COXFA4: variants seen among roughly 807,000 people sequenced by gnomAD.
The protein encoded by COXFA4 is cytochrome c oxidase subunit FA4.
At chr7:10,934,330 A>G in the COXFA4 span, among the ~76,000 whole-genome samples, 1 of 151,522 alleles carries the variant, frequency 6.6e-6, no homozygotes, top group Non-Finnish European at 1.5e-5. Context: ...TTTCTTTATA[A>G]TCAATTAATA....
the COXFA4 span, among the ~76,000 whole-genome samples, chr7:10,936,350 T>G: frequency 6.6e-6 from 1 of 152,242 alleles, no homozygotes; most frequent in Admixed American, 6.5e-5. Flanking sequence ...TTCAGAACAT[T>G]AGTAGACTGG....
At chr7:10,936,652 T>G in the COXFA4 span, among the ~76,000 whole-genome samples, 1 of 152,214 alleles carries the variant, frequency 6.6e-6, no homozygotes, top group Non-Finnish European at 1.5e-5. Flanking sequence ...TTTTATTTTC[T>G]TCTTGTAAGG....
the COXFA4 span, among the ~76,000 whole-genome samples, chr7:10,936,807 G>C: frequency 6.6e-6 from 1 of 152,160 alleles, no homozygotes; most frequent in Non-Finnish European, 1.5e-5. Context: ...GGTTGAGACA[G>C]ACGGATCAAC....
the COXFA4 span, among the ~76,000 whole-genome samples, chr7:10,935,777 C>T: frequency 1.3e-5 from 2 of 152,328 alleles, no homozygotes; most frequent in Non-Finnish European, 2.9e-5. Flanking sequence ...ACCTGGTCTA[C>T]AGTATCTTGT....
chr7:10,939,861 T>C, the COXFA4 span: 2 of 866,514 alleles, frequency 2.3e-6, no homozygotes, highest in Non-Finnish European at 3.9e-6. Flanking sequence ...CACAGAGGCC[T>C]GGGACAACTA....
the COXFA4 span, chr7:10,939,035 T>C: frequency 5.0e-5 from 33 of 656,722 alleles, 1 homozygote; most frequent in South Asian, 5.1e-4. Flanking sequence ...TTAAATAAAG[T>C]AGATCTTACA....
chr7:10,938,752 G>A, the COXFA4 span: 1 of 1,243,670 alleles, frequency 8.0e-7, no homozygotes, highest in East Asian at 2.3e-5. Flanking sequence ...CAGAGACTGT[G>A]GCTCCTAAAC....
At chr7:10,935,379 T>G in the COXFA4 span, among the ~76,000 whole-genome samples, 1 of 152,222 alleles carries the variant, frequency 6.6e-6, no homozygotes, top group African/African-American at 2.4e-5. Context: ...GAGCTTCAAC[T>G]GTTATTCAGT....
At chr7:10,938,448 CTT>C in the COXFA4 span, 4 of 437,368 alleles carry the variant, frequency 9.1e-6, no homozygotes, top group Non-Finnish European at 1.6e-5. Context: ...ATGAATCAAT[CTT>C]TTGATTGTCT....
At chr7:10,934,183 G>A in the COXFA4 span, among the ~76,000 whole-genome samples, 1 of 151,848 alleles carries the variant, frequency 6.6e-6, no homozygotes, top group Non-Finnish European at 1.5e-5. Flanking sequence ...TTTGTTTTGT[G>A]GTTTACATAA....
chr7:10,937,529 C>T, the COXFA4 span, among the ~76,000 whole-genome samples: 144 of 152,180 alleles, frequency 9.5e-4, 1 homozygote, highest in African/African-American at 3.3e-3. Context: ...GTGATCTGCC[C>T]GCCTCAGCCT....
At chr7:10,938,567 C>T in the COXFA4 span, 5 of 463,746 alleles carry the variant, frequency 1.1e-5, no homozygotes, top group Admixed American at 1.4e-4. Flanking sequence ...ATCCTCAAAA[C>T]ATTACAAGAT....
the COXFA4 span, among the ~76,000 whole-genome samples, chr7:10,936,775 G>A: frequency 7.2e-5 from 11 of 152,140 alleles, no homozygotes; most frequent in Admixed American, 3.9e-4. Context: ...AGTGGCTCAC[G>A]TCTGTAATAC....
At chr7:10,932,734 C>T in the COXFA4 span, 3 of 152,104 alleles carry the variant, frequency 2.0e-5, no homozygotes, top group Non-Finnish European at 4.4e-5. Flanking sequence ...CCCTGGGAGG[C>T]TGAGGAGAAT....
chr7:10,937,051 A>AAC, the COXFA4 span, among the ~76,000 whole-genome samples: 2 of 151,858 alleles, frequency 1.3e-5, no homozygotes, highest in Admixed American at 6.6e-5. Context: ...ACAACAACAA[A>AAC]AAAACGTTGC....
the COXFA4 span, among the ~76,000 whole-genome samples, chr7:10,936,790 A>C: frequency 6.6e-6 from 1 of 152,160 alleles, no homozygotes; most frequent in Non-Finnish European, 1.5e-5. Context: ...TAATACCAGC[A>C]CTGGGGGGTT....
the COXFA4 span, chr7:10,939,104 G>A: frequency 4.0e-6 from 2 of 497,090 alleles, 1 homozygote; most frequent in South Asian, 4.3e-5. Flanking sequence ...TGGAAAGGAT[G>A]TTAAGATGAC....
At chr7:10,938,155 A>T in the COXFA4 span, 1 of 1,610,608 alleles carries the variant, frequency 6.2e-7, no homozygotes, top group Non-Finnish European at 8.5e-7. Context: ...CAACTAAAAG[A>T]AATAAAACAT....
chr7:10,937,809 T>G, the COXFA4 span: 11,176 of 399,362 alleles, frequency 0.028, 207 homozygotes, highest in Non-Finnish European at 0.038. Flanking sequence ...CTATGTATAA[T>G]GAAGTTTGAG....
Sources: allele counts gnomAD v4.1 joint callset (sites outside exome capture counted in the v4.1 genomes callset), GRCh38; gene constraint gnomAD v4.1.1; transcripts MANE v1.5; gene names NCBI Gene and HGNC (gene_info 2026-07-23, HGNC 2026-07-21).